The following SHD variants were observed in gnomAD, a reference collection of about 807,000 sequenced individuals.
The protein encoded by SHD is Src homology 2 domain containing transforming protein D, also known as SH2 domain-containing adapter protein D.
A neutral mutation model predicts 31.2 loss-of-function variants in SHD; 29 were observed. The observed-to-expected ratio is 0.93, with a 90% CI of 0.69 to 1.27. The LOEUF (loss-of-function observed/expected upper bound fraction) is 1.27, where lower values mean the gene tolerates loss of function less well. Among genes scored for constraint, SHD ranks in the 50% most tolerant of loss-of-function variants. The probability of loss-of-function intolerance (pLI) is 0.00; values close to 1 mark genes in which losing one functional copy is unlikely to be tolerated. For synonymous variants in SHD, 208 were observed against 187.8 expected, an observed-to-expected ratio of 1.11 and a Z score of -0.88; for missense variants, 520 against 453.8, an observed-to-expected ratio of 1.15 and a Z score of -1.33.
In SHD at chr19:4,280,024, C is replaced by A. The variant is rs1219010589; in HGVS notation, c.-40C>A. The A allele has an allele frequency of 3.9e-6, 6 of 1,535,734 alleles. No homozygotes were observed. Among genetic ancestry groups the A allele is most frequent in the Non-Finnish European group, 3.5e-6 (4 of 1,144,072 alleles). On this transcript the variant is annotated 5_prime_UTR_variant, in exon 1 of 6. Coordinates refer to ENST00000543264, the MANE Select transcript of SHD (RefSeq NM_020209.4). ...GGGCCCGGAGAAGGGCATGTGGGGG[C>A]CCCTCTGACAGTGGCCCGATTGGGG...
In SHD at chr19:4,290,579, G is replaced by A. The variant is rs769833661; in HGVS notation, c.969G>A (p.Val323=). ...VLHYSSRPLP[V]QGAEHLALLY... ...ACTACAGTTCACGCCCACTGCCGGTGCAGGGTGCCGAGCATCTGGCTCTGC... is the reference window on the plus strand; with the variant it reads ...ACTACAGTTCACGCCCACTGCCGGTACAGGGTGCCGAGCATCTGGCTCTGC... The change falls in exon 6 of 6, where the codon GTG becomes GTA. Residue 323 remains valine, a synonymous_variant. Coordinates refer to ENST00000543264, the MANE Select transcript of SHD (RefSeq NM_020209.4). 5.6e-6 allele frequency: 9 copies of A among 1,613,468 alleles called. No individual in the cohort carries two copies. The African/African-American group carries it at 1.1e-4, about 19-fold the overall frequency.
In SHD at chr19:4,283,459, G is replaced by A. The variant is rs560313034; in HGVS notation, c.592+217G>A. Among the ~76,000 whole-genome samples, 491 of 152,282 alleles carry A rather than the reference G, an allele frequency of 3.2e-3. 2 individuals carry two copies. Among genetic ancestry groups the A allele is most frequent in the Non-Finnish European group, 4.1e-3 (281 of 68,026 alleles). On this transcript the variant is annotated intron_variant, in intron 3 of 5. Transcript: ENST00000543264. The stretch of plus-strand genomic sequence containing the variant: ...GGAAACGCAAACACTTTTTAGAGTG[G>A]AATGGAACCTACTTATCCTGCTCAG...
chr19:4,283,304 C>A, intron 3 of SHD, 62 bp downstream of exon 3: 2 of 1,510,558 alleles, frequency 1.3e-6, no homozygotes, highest in South Asian at 1.2e-5. Flanking sequence ...CTCATCTGGT[C>A]ATGTCTCCTG....
At chr19:4,288,403 G>T in intron 5 of SHD, 41 bp downstream of exon 5, 1 of 1,589,512 alleles carries the variant, frequency 6.3e-7, no homozygotes, top group Non-Finnish European at 8.6e-7. Flanking sequence ...TCACAGGATT[G>T]CGTGAGTCAC....
chr19:4,282,021 T>C (rs1451083352), intron 1 of SHD, among the ~76,000 whole-genome samples: 2 of 152,016 alleles, frequency 1.3e-5, no homozygotes, highest in African/African-American at 4.8e-5. Flanking sequence ...GGGAGGCAGG[T>C]GTCTGTGCTG....
At chr19:4,286,202 TTTTCTTTCTTTC>T (rs148405058) in intron 4 of SHD, among the ~76,000 whole-genome samples, 7 of 124,480 alleles carry the variant, frequency 5.6e-5, no homozygotes, top group South Asian at 2.8e-4. Flanking sequence ...CGCTCTTTCT[TTTTCTTTCTTTC>T]TTTCTTTCTT....
intron 2 of SHD, 26 bp from the exon 3 acceptor site, chr19:4,283,027 AG>A (rs1199014004): frequency 2.4e-5 from 39 of 1,613,928 alleles, no homozygotes; most frequent in Non-Finnish European, 3.2e-5. Context: ...TGGGAGCAGG[AG>A]CTGAACAGTG....
intron 5 of SHD, 114 bp from the exon 6 acceptor site, chr19:4,290,333 A>T: frequency 9.0e-7 from 1 of 1,109,318 alleles, no homozygotes; most frequent in Non-Finnish European, 1.3e-6. Context: ...TGTTTACCAG[A>T]GACTGGAGAC....
rs1971322272 is a variant in SHD, at chr19:4,286,683, A to C, written c.717-1560A>C. Among the ~76,000 whole-genome samples, 3 of 151,512 alleles carry C rather than the reference A, an allele frequency of 2.0e-5. No individual in the cohort carries two copies. In the South Asian group the frequency reaches 6.2e-4, roughly 32 times the overall value. Reference sequence around the variant, plus strand: ...GGGAGGCCGGGGTGGGCAGATCATGAGGTCAAGAGATCAAGACCATCCTGG... The same window carrying C: ...GGGAGGCCGGGGTGGGCAGATCATGCGGTCAAGAGATCAAGACCATCCTGG... On this transcript the variant is annotated intron_variant, in intron 4 of 5. Transcript: ENST00000543264.
chr19:4,287,324 T>C (rs1412462506), intron 4 of SHD, among the ~76,000 whole-genome samples: 12 of 130,048 alleles, frequency 9.2e-5, no homozygotes, highest in Non-Finnish European at 1.6e-5. Flanking sequence ...AGAGCGAGAC[T>C]CTGTCTCAAA....
rs80183138 is a variant in SHD at position 4,288,718 on chromosome 19, T to A, written c.836+356T>A. ...TCCATCTGAAGCCAAAATTTCAGGG[T>A]GTACCTGTAAGCGTTTTAGGTTGAG... is the stretch of plus-strand genomic sequence containing the variant. On this transcript the variant is annotated intron_variant, in intron 5 of 5. Transcript: ENST00000543264. Among the ~76,000 whole-genome samples, 1,133 of 152,226 alleles carry A rather than the reference T, an allele frequency of 7.4e-3. 56 individuals are homozygous for A. In the East Asian group the frequency reaches 0.13, roughly 17 times the overall value.
chr19:4,284,758 T>C, intron 3 of SHD, 23 bp from the exon 4 acceptor site: 1 of 1,564,638 alleles, frequency 6.4e-7, no homozygotes, highest in Non-Finnish European at 8.7e-7. Context: ...CTTAACCCTT[T>C]CCTCTCTAAA....
intron 4 of SHD, among the ~76,000 whole-genome samples, chr19:4,287,133 C>T (rs1413894203): frequency 1.3e-5 from 2 of 151,638 alleles, no homozygotes; most frequent in African/African-American, 4.8e-5. Flanking sequence ...GAGATTGAGA[C>T]CAGCCTGACT....
At chr19:4,289,921 G>A (rs1242990211) in intron 5 of SHD, among the ~76,000 whole-genome samples, 1 of 150,366 alleles carries the variant, frequency 6.7e-6, no homozygotes, top group Non-Finnish European at 1.5e-5. Flanking sequence ...TGTCACCCAG[G>A]CTGGGGTGCA....
At chr19:4,281,732 T>G (rs923845303) in intron 1 of SHD, among the ~76,000 whole-genome samples, 1 of 152,136 alleles carries the variant, frequency 6.6e-6, no homozygotes, top group Non-Finnish European at 1.5e-5. Context: ...CACTCCAGCC[T>G]GGGTGACAAG....
intron 5 of SHD, 99 bp from the exon 6 acceptor site, chr19:4,290,348 G>T: frequency 7.6e-7 from 1 of 1,310,040 alleles, no homozygotes; most frequent in South Asian, 1.4e-5. Flanking sequence ...GGAGACACAC[G>T]AGCACCTGGC....
chr19:4,280,451 A>C, intron 1 of SHD, 91 bp downstream of exon 1: 4 of 1,372,502 alleles, frequency 2.9e-6, no homozygotes, highest in Non-Finnish European at 3.9e-6. Flanking sequence ...ATGTGTGATC[A>C]CAGGAGGGGA....
At chr19:4,281,941 T>C (rs1344672521) in intron 1 of SHD, among the ~76,000 whole-genome samples, 5 of 152,144 alleles carry the variant, frequency 3.3e-5, no homozygotes, top group African/African-American at 1.2e-4. Context: ...TATTACATGT[T>C]GGTATTACAA....
intron 1 of SHD, among the ~76,000 whole-genome samples, chr19:4,281,591 C>G (rs535249296): frequency 2.0e-5 from 3 of 151,898 alleles, no homozygotes; most frequent in Non-Finnish European, 2.9e-5. Flanking sequence ...AACCCCATCT[C>G]TACCAAAAAT....
Sources: allele counts gnomAD v4.1 joint callset (sites outside exome capture counted in the v4.1 genomes callset), GRCh38; gene constraint gnomAD v4.1.1; transcripts MANE v1.5; gene names NCBI Gene and HGNC (gene_info 2026-07-23, HGNC 2026-07-21).